UGT1A4: variants seen among roughly 807,000 people sequenced by gnomAD.
UGT1A4 encodes the protein UDP glucuronosyltransferase family 1 member A4, also known as UDP-glucuronosyltransferase 1A4.
A neutral mutation model predicts 41.1 loss-of-function variants in UGT1A4; 32 were observed. That is an observed-to-expected ratio of 0.78 (90% CI 0.59 to 1.05). UGT1A4 has a LOEUF of 1.05. Among genes scored for constraint, UGT1A4 ranks in the 50% least tolerant of loss-of-function variants. UGT1A4 has a pLI of 0.00. For synonymous variants in UGT1A4, 283 were observed against 265.1 expected, an observed-to-expected ratio of 1.07 and a Z score of -0.66; for missense variants, 748 against 677.4, an observed-to-expected ratio of 1.10 and a Z score of -1.16.
intron 1 of UGT1A4, among the ~76,000 whole-genome samples, chr2:233,749,662 A>G (rs1433200566): frequency 2.0e-5 from 3 of 151,858 alleles, no homozygotes; most frequent in African/African-American, 7.3e-5. Flanking sequence ...TGTAATCCCC[A>G]TAATCCCCAC....
intron 1 of UGT1A4, among the ~76,000 whole-genome samples, chr2:233,722,870 A>ATTTTTT: frequency 7.8e-6 from 1 of 127,982 alleles, no homozygotes; most frequent in Non-Finnish European, 1.7e-5. Context: ...GAAGGAAAAA[A>ATTTTTT]TAAATTTATT....
At chr2:233,736,071 G>A (rs1216077159) in intron 1 of UGT1A4, among the ~76,000 whole-genome samples, 1 of 152,146 alleles carries the variant, frequency 6.6e-6, no homozygotes, top group Non-Finnish European at 1.5e-5. Flanking sequence ...TGCTAGGTTT[G>A]GGAAGTTCTC....
chr2:233,732,919 A>G (rs1421681108), intron 1 of UGT1A4, among the ~76,000 whole-genome samples: 1 of 151,874 alleles, frequency 6.6e-6, no homozygotes, highest in Non-Finnish European at 1.5e-5. Flanking sequence ...CATTTTCACG[A>G]TATTGATTCT....
chr2:233,744,768 G>A (rs116261344), intron 1 of UGT1A4, among the ~76,000 whole-genome samples: 5,132 of 151,930 alleles, frequency 0.034, 157 homozygotes, highest in African/African-American at 0.051. Context: ...TTTTAACTTT[G>A]CAAAATTCTC....
At chr2:233,750,052 T>C (rs1170416516) in intron 1 of UGT1A4, among the ~76,000 whole-genome samples, 1 of 151,744 alleles carries the variant, frequency 6.6e-6, no homozygotes, top group Non-Finnish European at 1.5e-5. Context: ...AATGTGGAAG[T>C]GACTTTGGAA....
intron 1 of UGT1A4, among the ~76,000 whole-genome samples, chr2:233,745,892 C>T (rs573273105): frequency 7.3e-5 from 11 of 150,844 alleles, no homozygotes; most frequent in East Asian, 2.0e-4. Context: ...GGTGGGGTGG[C>T]GTTTTTCAGG....
chr2:233,744,711 T>A (rs1692896185), intron 1 of UGT1A4, among the ~76,000 whole-genome samples: 1 of 151,888 alleles, frequency 6.6e-6, no homozygotes, highest in Non-Finnish European at 1.5e-5. Context: ...TGTACACTTG[T>A]GAGAGAATGA....
At position 233,769,583 on chromosome 2, in the gene UGT1A4, G is replaced by A. The variant is rs749814257; in HGVS notation, c.1307+1144G>A. ...GTGAAGAGCTGGAGCATGTTCAGATGAGAGGAGACGGAACACGGGGACACA... is the reference window on the plus strand; with the variant it reads ...GTGAAGAGCTGGAGCATGTTCAGATAAGAGGAGACGGAACACGGGGACACA... On this transcript the variant is annotated intron_variant, in intron 4 of 4. Transcript: ENST00000373409. The surrounding 1 kb of genome is among the most constrained non-coding windows in gnomAD (Gnocchi z 4.4). 1.4e-5 allele frequency: 22 copies of A among 1,612,904 alleles called. No individual in the cohort carries two copies. The East Asian group carries it at 4.7e-4, about 34-fold the overall frequency.
chr2:233,771,421 G>A (rs2126061282), intron 4 of UGT1A4: 1 of 152,290 alleles, frequency 6.6e-6, no homozygotes, highest in Admixed American at 6.5e-5. Flanking sequence ...AGAATAAACA[G>A]AAATCCATTT....
chr2:233,729,955 G>A, intron 1 of UGT1A4: 1 of 1,614,014 alleles, frequency 6.2e-7, no homozygotes, highest in African/African-American at 1.3e-5. Flanking sequence ...GGTCTTCATT[G>A]GGGGCATCAA....
At chr2:233,767,774 T>A in intron 2 of UGT1A4, 75 bp from the exon 3 acceptor site, 1 of 1,612,214 alleles carries the variant, frequency 6.2e-7, no homozygotes, top group Non-Finnish European at 8.5e-7. Context: ...CCCTGTTTTC[T>A]AGTTAGTATA....
intron 4 of UGT1A4, among the ~76,000 whole-genome samples, chr2:233,772,038 A>G (rs892272267): frequency 1.3e-5 from 2 of 152,202 alleles, no homozygotes; most frequent in African/African-American, 4.8e-5. Flanking sequence ...GCTTGAGCCC[A>G]GGAGTTGGAG....
intron 1 of UGT1A4, among the ~76,000 whole-genome samples, chr2:233,741,083 A>G (rs1400996057): frequency 6.6e-6 from 1 of 151,938 alleles, no homozygotes; most frequent in Non-Finnish European, 1.5e-5. Flanking sequence ...TGTCTTTAAA[A>G]CAAACAAGCA....
intron 1 of UGT1A4, among the ~76,000 whole-genome samples, chr2:233,728,340 T>A (rs2077702192): frequency 6.6e-6 from 1 of 152,202 alleles, no homozygotes; most frequent in African/African-American, 2.4e-5. Flanking sequence ...CCCCAGTCCC[T>A]TGGTGAGCAG....
At chr2:233,727,345 T>A (rs2077607962) in intron 1 of UGT1A4, among the ~76,000 whole-genome samples, 1 of 152,184 alleles carries the variant, frequency 6.6e-6, no homozygotes, top group Non-Finnish European at 1.5e-5. Flanking sequence ...CTCCCCATAG[T>A]TCTGCTATCC....
At chr2:233,729,792 C>T (rs370250320) in intron 1 of UGT1A4, 17 of 1,613,864 alleles carry the variant, frequency 1.1e-5, no homozygotes, top group Non-Finnish European at 1.3e-5. Flanking sequence ...CCCTGTCCTA[C>T]ATTTGCCATG....
chr2:233,743,705 G>T (rs756391897), intron 1 of UGT1A4: 2 of 1,367,306 alleles, frequency 1.5e-6, no homozygotes, highest in Non-Finnish European at 9.8e-7. Context: ...CTCCGCCCCC[G>T]CCTCGCCATA....
At chr2:233,754,255 AG>A in intron 1 of UGT1A4, 1 of 170,204 alleles carries the variant, frequency 5.9e-6, no homozygotes, top group Admixed American at 5.6e-5. Context: ...CAACGGAAAA[AG>A]GTAAGGCTCA....
At chr2:233,754,037 T>C (rs1376554387) in intron 1 of UGT1A4, among the ~76,000 whole-genome samples, 1 of 152,244 alleles carries the variant, frequency 6.6e-6, no homozygotes, top group Non-Finnish European at 1.5e-5. Context: ...ATGCATCCAC[T>C]TTGCCAGGTT....
Sources: allele counts gnomAD v4.1 joint callset (sites outside exome capture counted in the v4.1 genomes callset), GRCh38; gene constraint gnomAD v4.1.1; non-coding constraint Gnocchi (gnomAD v3.1); transcripts MANE v1.5; gene names NCBI Gene and HGNC (gene_info 2026-07-23, HGNC 2026-07-21).